TMEM164: variants seen among roughly 807,000 people sequenced by gnomAD.
TMEM164 encodes the protein transmembrane protein 164.
In TMEM164, 4 loss-of-function variants were observed where a neutral mutation model predicts 18.8. That is an observed-to-expected ratio of 0.21 (90% confidence interval 0.10 to 0.49). The LOEUF (loss-of-function observed/expected upper bound fraction) is 0.49. Ranked by LOEUF, TMEM164 falls within the 20% of genes least tolerant of loss-of-function variation. TMEM164 has a pLI of 0.98. For synonymous variants in TMEM164, 86 were observed against 101.7 expected, an observed-to-expected ratio of 0.85 and a Z score of 0.93; for missense variants, 108 against 239.9, an observed-to-expected ratio of 0.45 and a Z score of 3.63.
intron 3 of TMEM164, among the ~76,000 whole-genome samples, chrX:110,083,173 G>C (rs2065784419): frequency 9.0e-6 from 1 of 110,551 alleles, no homozygotes; most frequent in African/African-American, 3.3e-5. Context: ...GGTTAGAATG[G>C]GATTTAAAAC....
chrX:110,135,274 T>G (rs1189782248), intron 4 of TMEM164, among the ~76,000 whole-genome samples: 1 of 110,831 alleles, frequency 9.0e-6, no homozygotes, highest in Non-Finnish European at 1.9e-5. Flanking sequence ...CAATATAGAC[T>G]TGCTCTATTT....
intron 3 of TMEM164, among the ~76,000 whole-genome samples, chrX:110,102,010 G>A (rs12559349): frequency 0.013 from 1,376 of 107,749 alleles, 20 homozygotes; most frequent in Admixed American, 0.057. Flanking sequence ...TTGCTAATTT[G>A]AGACCATTCT....
At chrX:110,057,525 G>T (rs1370789711) in intron 2 of TMEM164, among the ~76,000 whole-genome samples, 1 of 108,280 alleles carries the variant, frequency 9.2e-6, no homozygotes, top group Non-Finnish European at 1.9e-5. Flanking sequence ...CCAGAAGTGG[G>T]ATTGCTGTGT....
Position 110,041,600 on chromosome X carries a change from G to A in TMEM164, c.391-25747G>A, listed in dbSNP as rs1245427297. ...TCTTATATCCAATTCATGCAAAAGT[G>A]GGAGCAACTGAATATTTCTAAATGA... On this transcript the variant is annotated intron_variant, in intron 2 of 6. Coordinates refer to ENST00000372068, the MANE Select transcript of TMEM164 (RefSeq NM_032227.4). 2.7e-5 allele frequency among the ~76,000 whole-genome samples: 3 copies of A among 111,560 alleles called. No individual in the cohort carries two copies. In the East Asian group the frequency reaches 8.4e-4, roughly 31 times the overall value.
At chrX:110,164,230 G>GT (rs892662735) in intron 5 of TMEM164, among the ~76,000 whole-genome samples, 4 of 111,251 alleles carry the variant, frequency 3.6e-5, no homozygotes, top group Non-Finnish European at 3.8e-5. Flanking sequence ...CCAGGGCTGG[G>GT]TTTTTTTTCC....
rs759956454 is a variant in TMEM164 at position 110,146,317 on chromosome X, CTG to C, written c.586+1443_586+1444del. The stretch of plus-strand genomic sequence containing the variant: ...TGTACTCTAAGGTCACCATAAAAAT[CTG>C]TCAGGTAGCTGGGTTAGACTGGTCT... On this transcript the variant is annotated intron_variant, in intron 5 of 6. Coordinates refer to ENST00000372068, the MANE Select transcript of TMEM164 (RefSeq NM_032227.4). 2.7e-5 allele frequency among the ~76,000 whole-genome samples: 3 copies of C among 112,286 alleles called. No individual in the cohort carries two copies. The South Asian group carries it at 1.1e-3, about 41-fold the overall frequency.
intron 2 of TMEM164, among the ~76,000 whole-genome samples, chrX:110,035,088 G>A (rs1934723395): frequency 1.6e-5 from 1 of 64,201 alleles, no homozygotes; most frequent in Non-Finnish European, 2.7e-5. Flanking sequence ...GGGGAGGGGG[G>A]AGGGATAGCA....
chrX:110,089,852 A>G (rs1423858785), intron 3 of TMEM164, among the ~76,000 whole-genome samples: 6 of 112,194 alleles, frequency 5.3e-5, no homozygotes, highest in African/African-American at 1.9e-4. Context: ...AAAAATGGTT[A>G]GATGACATGA....
intron 3 of TMEM164, among the ~76,000 whole-genome samples, chrX:110,098,045 C>T (rs1459590572): frequency 8.9e-6 from 1 of 111,985 alleles, no homozygotes; most frequent in Non-Finnish European, 1.9e-5. Context: ...AAAAACTTCT[C>T]ATACTCTTCC....
At chrX:110,026,637 T>C (rs748734393) in intron 2 of TMEM164, among the ~76,000 whole-genome samples, 1 of 111,870 alleles carries the variant, frequency 8.9e-6, no homozygotes, top group African/African-American at 3.2e-5. Flanking sequence ...CTTATGCGCA[T>C]GAACTCATTT....
intron 2 of TMEM164, chrX:110,065,335 G>A (rs1229632237): frequency 8.9e-6 from 1 of 111,853 alleles, no homozygotes. Flanking sequence ...TGTTGGAAGT[G>A]TCTTGGGTAT....
intron 3 of TMEM164, among the ~76,000 whole-genome samples, chrX:110,086,186 T>A (rs1200652349): frequency 8.9e-6 from 1 of 112,223 alleles, no homozygotes; most frequent in Non-Finnish European, 1.9e-5. Flanking sequence ...TCTTTTTCTA[T>A]ATCTTGATAG....
At chrX:110,154,005 T>C (rs1220865871) in intron 5 of TMEM164, among the ~76,000 whole-genome samples, 1 of 111,846 alleles carries the variant, frequency 8.9e-6, no homozygotes, top group Admixed American at 9.5e-5. Context: ...TTTTAAAAAA[T>C]ATTTTTGATC....
intron 2 of TMEM164, among the ~76,000 whole-genome samples, chrX:110,033,955 TC>T (rs1265427484): frequency 1.8e-5 from 2 of 109,857 alleles, no homozygotes; most frequent in Admixed American, 9.7e-5. Flanking sequence ...AAATTTGTAT[TC>T]CCCCCCGCCC....
chrX:110,068,117 A>C (rs1488448533), intron 3 of TMEM164, among the ~76,000 whole-genome samples: 1 of 112,792 alleles, frequency 8.9e-6, no homozygotes, highest in East Asian at 2.8e-4. Flanking sequence ...TGAGCAGTGA[A>C]ATGGCTGCAA....
chrX:110,130,385 G>T (rs1398181907), intron 4 of TMEM164, among the ~76,000 whole-genome samples: 1 of 111,798 alleles, frequency 8.9e-6, no homozygotes, highest in Non-Finnish European at 1.9e-5. Context: ...TAACCTCTTT[G>T]TGTCTCAGTT....
chrX:110,040,650 T>C (rs917647112), intron 2 of TMEM164, among the ~76,000 whole-genome samples: 1 of 112,029 alleles, frequency 8.9e-6, no homozygotes, highest in African/African-American at 3.2e-5. Context: ...GCAAACTGAA[T>C]GAATTCTTTC....
At chrX:110,134,171 A>G (rs2066651688) in intron 4 of TMEM164, among the ~76,000 whole-genome samples, 1 of 111,496 alleles carries the variant, frequency 9.0e-6, no homozygotes, top group Admixed American at 9.5e-5. Context: ...GCACCTGATG[A>G]CCACAACTCT....
intron 3 of TMEM164, among the ~76,000 whole-genome samples, chrX:110,098,950 A>AT (rs772519388): frequency 0.085 from 7,250 of 84,965 alleles, 391 homozygotes; most frequent in Non-Finnish European, 0.12. Context: ...CACCCGGCTA[A>AT]TTTTTTTTTT....
Sources: gnomAD v4.1 joint callset for allele counts (sites outside exome capture counted in the v4.1 genomes callset) on GRCh38, gnomAD v4.1.1 for gene constraint, MANE v1.5 for transcripts, NCBI Gene and HGNC (gene_info 2026-07-23, HGNC 2026-07-21) for gene names.